ZC3HAV1: variants seen among roughly 807,000 people sequenced by gnomAD.
The protein encoded by ZC3HAV1 is zinc finger CCCH-type containing, antiviral 1.
ZC3HAV1 carries 41 observed loss-of-function variants against 86.6 expected under a neutral mutation model. That is an observed-to-expected ratio of 0.47 (90% CI 0.37 to 0.61). The LOEUF is 0.61. Among genes scored for constraint, ZC3HAV1 ranks in the 20% least tolerant of loss-of-function variants. The probability of loss-of-function intolerance (pLI) is 0.00; values close to 1 mark genes in which losing one functional copy is unlikely to be tolerated. For missense variants in ZC3HAV1, 964 were observed against 1,141.1 expected, an observed-to-expected ratio of 0.84 and a Z score of 2.24; for synonymous variants, 421 against 432.1, an observed-to-expected ratio of 0.97 and a Z score of 0.32.
rs180948235 is a variant in ZC3HAV1 at position 139,053,698 on chromosome 7, C to T, written c.2319-117G>A. ...AATTTCACTCCATCAGCTTTCACAA[C>T]GGAGCTACTAACTTTAAGGCAGCAG... On this transcript the variant is annotated intron_variant, in intron 11 of 12. Coordinates refer to ENST00000242351, the MANE Select transcript of ZC3HAV1 (RefSeq NM_020119.4). The T allele has an allele frequency of 1.7e-4, 226 of 1,346,870 alleles. 1 individual carries two copies. In the African/African-American group the frequency reaches 2.8e-3, roughly 17 times the overall value. The allele number at this position is 1,346,870 out of a possible 1,614,324, so 83.4% of individuals were successfully genotyped here.
At chr7:139,073,817 T>C in intron 7 of ZC3HAV1, 39 bp downstream of exon 7, 1 of 1,555,810 alleles carries the variant, frequency 6.4e-7, no homozygotes, top group South Asian at 1.2e-5. Context: ...AGTTGACAAG[T>C]TTAAACAAGA....
At chr7:139,094,024 A>G (rs1817508177) in intron 1 of ZC3HAV1, among the ~76,000 whole-genome samples, 1 of 152,132 alleles carries the variant, frequency 6.6e-6, no homozygotes, top group African/African-American at 2.4e-5. Context: ...TTGCTAAGCT[A>G]GCGATGCTGA....
intron 1 of ZC3HAV1, among the ~76,000 whole-genome samples, chr7:139,097,421 TA>T (rs1563140635): frequency 8.3e-5 from 7 of 84,284 alleles, no homozygotes; most frequent in African/African-American, 2.3e-4. Flanking sequence ...TATATATATA[TA>T]TATATATTTT....
rs532622815 is a variant in ZC3HAV1, at chr7:139,080,367, T to G, written c.698-124A>C. 7.2e-5 allele frequency: 87 copies of G among 1,209,496 alleles called. No homozygotes were observed. In the East Asian group the frequency reaches 1.4e-3, roughly 20 times the overall value. The allele number at this position is 1,209,496 out of a possible 1,614,324, so 74.9% of individuals were successfully genotyped here. A position where few individuals can be genotyped will look rare whatever the true frequency, so the allele number is the denominator to read the frequency against. ...TGCTATCCAAGTGCTATCAAATTAC[T>G]TGGCGTAATCTGATGTGTAAAAATC... On this transcript the variant is annotated intron_variant, in intron 3 of 12. Coordinates refer to ENST00000242351, the MANE Select transcript of ZC3HAV1 (RefSeq NM_020119.4).
intron 4 of ZC3HAV1, chr7:139,079,115 C>T (rs768563986): frequency 2.9e-5 from 44 of 1,536,018 alleles, no homozygotes; most frequent in Non-Finnish European, 3.6e-5. Context: ...CTGAGCAGAG[C>T]CTGTTGTCTT....
intron 12 of ZC3HAV1, among the ~76,000 whole-genome samples, chr7:139,050,270 A>T (rs909574096): frequency 6.6e-6 from 1 of 151,982 alleles, no homozygotes; most frequent in Admixed American, 6.6e-5. Context: ...CAGTTTTTTT[A>T]TATCACACTT....
chr7:139,079,080 C>G (rs781509583), intron 4 of ZC3HAV1: 3 of 1,535,106 alleles, frequency 2.0e-6, no homozygotes, highest in South Asian at 2.4e-5. Flanking sequence ...GACACAGAGG[C>G]CCCTTTGTCC....
chr7:139,061,359 T>G (rs1816438222), intron 8 of ZC3HAV1, among the ~76,000 whole-genome samples: 1 of 152,150 alleles, frequency 6.6e-6, no homozygotes, highest in Non-Finnish European at 1.5e-5. Context: ...TGAATGAATA[T>G]TCAGGAATTA....
chr7:139,056,700 C>A (rs969988142), intron 9 of ZC3HAV1, among the ~76,000 whole-genome samples: 31 of 152,252 alleles, frequency 2.0e-4, no homozygotes, highest in African/African-American at 7.5e-4. Context: ...AGCCACCACA[C>A]CTGGCCTATC....
At chr7:139,100,977 C>A (rs1344337172) in intron 1 of ZC3HAV1, among the ~76,000 whole-genome samples, 1 of 152,216 alleles carries the variant, frequency 6.6e-6, no homozygotes, top group Admixed American at 6.5e-5. Context: ...CGAGTGCCTG[C>A]GATTGCAGGC....
intron 1 of ZC3HAV1, among the ~76,000 whole-genome samples, chr7:139,092,413 G>C (rs1444268097): frequency 6.6e-6 from 1 of 152,196 alleles, no homozygotes; most frequent in Admixed American, 6.6e-5. Context: ...TAAAAACAAG[G>C]TTGGGCATTA....
intron 1 of ZC3HAV1, among the ~76,000 whole-genome samples, chr7:139,093,239 T>C (rs1817483549): frequency 6.6e-6 from 1 of 151,388 alleles, no homozygotes; most frequent in African/African-American, 2.4e-5. Flanking sequence ...GCCGGAAAAA[T>C]GAACAAAAAC....
At chr7:139,098,904 G>A (rs144557911) in intron 1 of ZC3HAV1, among the ~76,000 whole-genome samples, 1 of 152,194 alleles carries the variant, frequency 6.6e-6, no homozygotes, top group Non-Finnish European at 1.5e-5. Context: ...GGAAAAGCTC[G>A]CAGATACCTG....
intron 9 of ZC3HAV1, among the ~76,000 whole-genome samples, chr7:139,058,991 C>T (rs1016880618): frequency 3.4e-5 from 5 of 147,110 alleles, no homozygotes; most frequent in African/African-American, 1.3e-4. Context: ...GTTAAAAAAT[C>T]AAAATTACCG....
intron 1 of ZC3HAV1, among the ~76,000 whole-genome samples, chr7:139,092,018 A>C (rs943822643): frequency 1.9e-4 from 29 of 152,158 alleles, no homozygotes; most frequent in African/African-American, 6.5e-4. Flanking sequence ...TGGTTTAGAA[A>C]GGGGAGGGGG....
intron 3 of ZC3HAV1, among the ~76,000 whole-genome samples, chr7:139,082,036 G>T (rs1408716706): frequency 6.6e-6 from 1 of 152,190 alleles, no homozygotes; most frequent in Non-Finnish European, 1.5e-5. Flanking sequence ...AGGCTAAGGT[G>T]GGTGGATCAC....
chr7:139,048,542 G>A (rs1309447616), intron 12 of ZC3HAV1, among the ~76,000 whole-genome samples: 1 of 152,124 alleles, frequency 6.6e-6, no homozygotes, highest in Non-Finnish European at 1.5e-5. Flanking sequence ...AGTTGAGGCT[G>A]CAGTAAGCTA....
intron 8 of ZC3HAV1, among the ~76,000 whole-genome samples, chr7:139,064,122 T>C (rs1584846092): frequency 6.6e-6 from 1 of 152,362 alleles, no homozygotes; most frequent in East Asian, 1.9e-4. Context: ...ATAATGGTCC[T>C]TGTAAAAGCT....
chr7:139,109,373 G>A lies in ZC3HAV1; in HGVS notation c.-42C>T. On this transcript the variant is annotated 5_prime_UTR_variant, in exon 1 of 13. Coordinates refer to ENST00000242351, the MANE Select transcript of ZC3HAV1 (RefSeq NM_020119.4). ...TGGCTCTGCCGCGGCGCGGGACTCG[G>A]TTCCGCGGAAATCGGAAATCGAAAC... The A allele has an allele frequency of 6.6e-7, 1 of 1,504,224 alleles. No individual in the cohort carries two copies. The highest frequency in any genetic ancestry group is 8.9e-7 in the Non-Finnish European group (1 of 1,128,964). The allele number at this position is 1,504,224 out of a possible 1,614,324, so 93.2% of individuals were successfully genotyped here. A position where few individuals can be genotyped will look rare whatever the true frequency, so the allele number is the denominator to read the frequency against.
Sources: gnomAD v4.1 joint callset for allele counts (sites outside exome capture counted in the v4.1 genomes callset) on GRCh38, gnomAD v4.1.1 for gene constraint, MANE v1.5 for transcripts, NCBI Gene and HGNC (gene_info 2026-07-23, HGNC 2026-07-21) for gene names.